FHIP1A: variants seen among roughly 807,000 people sequenced by gnomAD.
FHIP1A encodes FHF complex subunit HOOK-interacting protein 1A.
Under a neutral mutation model 88.6 loss-of-function variants are expected in FHIP1A, and 61 were observed. That is an observed-to-expected ratio of 0.69 (90% CI 0.56 to 0.85). The LOEUF is 0.85. FHIP1A is among the 40% of genes least tolerant of loss of function. FHIP1A has a pLI of 0.00. For synonymous variants in FHIP1A, 478 were observed against 496.0 expected (o/e 0.96, Z 0.48); for missense variants, 1,154 against 1,273.5 (o/e 0.91, Z 1.43).
At chr4:151,624,231 C>T (rs1389835581) in intron 7 of FHIP1A, among the ~76,000 whole-genome samples, 1 of 152,190 alleles carries the variant, frequency 6.6e-6, no homozygotes, top group Non-Finnish European at 1.5e-5. Flanking sequence ...GTTTGTACTT[C>T]GGGGACGGGT....
rs527596244 is a variant in FHIP1A at position 151,623,103 on chromosome 4, G to A, written c.979-6599G>A. Among the ~76,000 whole-genome samples, 23 of 152,310 alleles carry A rather than the reference G, an allele frequency of 1.5e-4. No homozygotes were observed. The South Asian group carries it at 4.8e-3, about 32-fold the overall frequency. The stretch of plus-strand genomic sequence containing the variant: ...GCAGTAACCCTTCAACTTGGCCAAC[G>A]CTAGTTGCAGCATCGGCCCATTGGA... On this transcript the variant is annotated intron_variant, in intron 7 of 13. Transcript: ENST00000435205.
chr4:151,632,972 A>G (rs1024389224), intron 8 of FHIP1A, among the ~76,000 whole-genome samples: 1 of 151,956 alleles, frequency 6.6e-6, no homozygotes, highest in Non-Finnish European at 1.5e-5. Flanking sequence ...AATGATAAAG[A>G]TCAGAGCAAA....
At chr4:151,488,550 A>G (rs1416938663) in intron 3 of FHIP1A, among the ~76,000 whole-genome samples, 1 of 152,178 alleles carries the variant, frequency 6.6e-6, no homozygotes, top group African/African-American at 2.4e-5. Context: ...GTTGATGAGC[A>G]CCTAGGGTGA....
intron 5 of FHIP1A, among the ~76,000 whole-genome samples, chr4:151,584,597 C>G (rs1578783239): frequency 6.6e-6 from 1 of 152,182 alleles, no homozygotes; most frequent in African/African-American, 2.4e-5. Flanking sequence ...ATGGCTCCGT[C>G]TCTAGCCCAG....
chr4:151,515,745 A>G (rs1402251743), intron 3 of FHIP1A, among the ~76,000 whole-genome samples: 1 of 151,922 alleles, frequency 6.6e-6, no homozygotes, highest in African/African-American at 2.4e-5. Flanking sequence ...CTTACAAGGG[A>G]TGTGAAGGAC....
chr4:151,653,007 G>C lies in FHIP1A; in HGVS notation c.2551+2415G>C, dbSNP rs190063792. On this transcript the variant is annotated intron_variant, in intron 11 of 13. Coordinates refer to ENST00000435205, the MANE Select transcript of FHIP1A (RefSeq NM_001109977.3). ...AGGAGTGTGGGGAGAGCACTGGAGT[G>C]GGGAGAGGTTGGTGCCAGGAAAAAC... 4.6e-5 allele frequency among the ~76,000 whole-genome samples: 7 copies of C among 152,230 alleles called. No individual in the cohort carries two copies. The East Asian group carries it at 1.2e-3, about 25-fold the overall frequency.
chr4:151,630,177 GC>G (rs1736103937), intron 8 of FHIP1A, among the ~76,000 whole-genome samples: 1 of 152,108 alleles, frequency 6.6e-6, no homozygotes, highest in East Asian at 1.9e-4. Context: ...TTCTGTGGGG[GC>G]AAGATGCAAG....
intron 7 of FHIP1A, among the ~76,000 whole-genome samples, chr4:151,625,742 C>T (rs1007234572): frequency 1.3e-5 from 2 of 152,150 alleles, no homozygotes; most frequent in East Asian, 3.8e-4. Flanking sequence ...ACACACTGTC[C>T]ATTTTGCCTA....
chr4:151,457,082 C>G (rs552332340), intron 2 of FHIP1A, among the ~76,000 whole-genome samples: 157 of 152,170 alleles, frequency 1.0e-3, no homozygotes, highest in African/African-American at 3.7e-3. Flanking sequence ...GTTTAGTTTT[C>G]TCATATCAAT....
intron 7 of FHIP1A, among the ~76,000 whole-genome samples, chr4:151,598,215 G>A (rs2126824287): frequency 6.6e-6 from 1 of 152,330 alleles, no homozygotes; most frequent in East Asian, 1.9e-4. Flanking sequence ...CATGAGAAAT[G>A]TGTAGTATCT....
chr4:151,441,662 T>C (rs1380452368), intron 1 of FHIP1A, among the ~76,000 whole-genome samples: 1 of 152,168 alleles, frequency 6.6e-6, no homozygotes, highest in East Asian at 1.9e-4. Context: ...TCTCATGTTT[T>C]GGTTTGATTC....
At chr4:151,430,852 G>A (rs953013955) in intron 1 of FHIP1A, among the ~76,000 whole-genome samples, 2 of 152,172 alleles carry the variant, frequency 1.3e-5, no homozygotes, top group South Asian at 2.1e-4. Flanking sequence ...TTGGTAGGAA[G>A]CCTTAGTTTA....
intron 2 of FHIP1A, among the ~76,000 whole-genome samples, chr4:151,455,887 T>C (rs1009147406): frequency 6.6e-6 from 1 of 152,184 alleles, no homozygotes; most frequent in Non-Finnish European, 1.5e-5. Flanking sequence ...ATAAAACATA[T>C]AAAACACAGT....
At chr4:151,630,750 T>C (rs1291524892) in intron 8 of FHIP1A, among the ~76,000 whole-genome samples, 16 of 152,204 alleles carry the variant, frequency 1.1e-4, no homozygotes, top group Admixed American at 1.0e-3. Flanking sequence ...AGACAGACCA[T>C]GTGCTAGGCC....
intron 1 of FHIP1A, among the ~76,000 whole-genome samples, chr4:151,445,465 G>C (rs762895348): frequency 1.3e-5 from 2 of 151,888 alleles, no homozygotes; most frequent in Non-Finnish European, 1.5e-5. Context: ...AAGGTGGAGT[G>C]GGGGGGTGGA....
intron 4 of FHIP1A, among the ~76,000 whole-genome samples, chr4:151,573,566 A>G (rs1490498336): frequency 6.6e-6 from 1 of 151,954 alleles, no homozygotes; most frequent in Non-Finnish European, 1.5e-5. Flanking sequence ...TGGCCCCATT[A>G]ATTTTGTTTT....
At chr4:151,551,860 C>T (rs1184979587) in intron 3 of FHIP1A, among the ~76,000 whole-genome samples, 1 of 151,872 alleles carries the variant, frequency 6.6e-6, no homozygotes, top group African/African-American at 2.4e-5. Flanking sequence ...AAAGAGTGCA[C>T]AGCAAAAGAA....
At chr4:151,459,989 T>G (rs964449763) in intron 2 of FHIP1A, among the ~76,000 whole-genome samples, 1 of 152,178 alleles carries the variant, frequency 6.6e-6, no homozygotes, top group Non-Finnish European at 1.5e-5. Context: ...AATCTTTAGA[T>G]TGCTATTTTG....
In FHIP1A at chr4:151,469,714, A is replaced by G. The variant is rs1235810013; in HGVS notation, c.-247-12810A>G. Among the ~76,000 whole-genome samples, 4 of 152,214 alleles carry G rather than the reference A, an allele frequency of 2.6e-5. No homozygotes were observed. In the South Asian group the frequency reaches 8.3e-4, roughly 32 times the overall value. The stretch of plus-strand genomic sequence containing the variant: ...GTGGATTTCTTTTTTGCTTTTCCTT[A>G]TTTTTCTTTAAAACAAAACTTAGAT... On this transcript the variant is annotated intron_variant, in intron 2 of 13. Transcript: ENST00000435205.
Sources: gnomAD v4.1 joint callset for allele counts (sites outside exome capture counted in the v4.1 genomes callset) on GRCh38, gnomAD v4.1.1 for gene constraint, MANE v1.5 for transcripts, NCBI Gene and HGNC (gene_info 2026-07-23, HGNC 2026-07-21) for gene names.